The following MLLT3 variants were observed in gnomAD, a reference collection of about 807,000 sequenced individuals.
The protein encoded by MLLT3 is MLLT3 super elongation complex subunit.
MLLT3 carries 4 observed loss-of-function variants against 53.2 expected under a neutral mutation model. That is an observed-to-expected ratio of 0.08 (90% CI 0.04 to 0.17). The LOEUF is 0.17. Ranked by LOEUF, MLLT3 falls within the 10% of genes least tolerant of loss-of-function variation. MLLT3 has a pLI of 1.00. For synonymous variants in MLLT3, 283 were observed against 230.6 expected (o/e 1.23, Z -2.06); for missense variants, 569 against 684.0 (o/e 0.83, Z 1.87).
chr9:20,385,153 A>G (rs973230657), intron 5 of MLLT3, among the ~76,000 whole-genome samples: 3 of 152,192 alleles, frequency 2.0e-5, no homozygotes, highest in Non-Finnish European at 2.9e-5. Flanking sequence ...AAAGGGGTCT[A>G]CAATACTTTT....
In MLLT3 at chr9:20,516,594, T is replaced by C. The variant is rs188511961; in HGVS notation, c.194-59808A>G. ...AATGTTGAGCAGAAACATCTATTTC[T>C]TTTTTATATCAAAGCTTATTAGAAT... On this transcript the variant is annotated intron_variant, in intron 2 of 10. Coordinates refer to ENST00000380338, the MANE Select transcript of MLLT3 (RefSeq NM_004529.4). Among the ~76,000 whole-genome samples, 15 of 152,352 alleles carry C rather than the reference T, an allele frequency of 9.8e-5. No individual in the cohort carries two copies. The East Asian group carries it at 2.9e-3, about 29-fold the overall frequency.
intron 2 of MLLT3, among the ~76,000 whole-genome samples, chr9:20,528,661 C>T (rs1485244929): frequency 2.6e-5 from 4 of 152,182 alleles, no homozygotes; most frequent in African/African-American, 7.2e-5. Context: ...ACAGTGCCTT[C>T]GCCTCTGTGT....
chr9:20,421,842 AAGAG>A (rs907144683), intron 4 of MLLT3, among the ~76,000 whole-genome samples: 30 of 152,202 alleles, frequency 2.0e-4, no homozygotes, highest in African/African-American at 7.2e-4. Context: ...TTGGCAGAGA[AAGAG>A]AGAGAGAATG....
intron 2 of MLLT3, among the ~76,000 whole-genome samples, chr9:20,571,691 A>T (rs1469490254): frequency 6.6e-6 from 1 of 152,170 alleles, no homozygotes; most frequent in Non-Finnish European, 1.5e-5. Context: ...ACATGCAGAA[A>T]ACAACCTGAT....
In MLLT3 at chr9:20,448,392, G is replaced by T; in HGVS notation, c.277-126C>A. 2.7e-6 allele frequency: 2 copies of T among 729,718 alleles called. No homozygotes were observed. Among genetic ancestry groups the T allele is most frequent in the Non-Finnish European group, 2.1e-6 (1 of 470,624 alleles). The allele number at this position is 729,718 out of a possible 1,614,324, so 45.2% of individuals were successfully genotyped here. A position where few individuals can be genotyped will look rare whatever the true frequency, so the allele number is the denominator to read the frequency against. On this transcript the variant is annotated intron_variant, in intron 3 of 10. Transcript: ENST00000380338. This position sits in a 1 kb window ranked among gnomAD's most constrained non-coding sequence, Gnocchi z 4.0. ...GACATCTAACAGCTAAACTGTCAAA[G>T]TAGTACTGGGAAAAAAAAAAGTATC...
intron 2 of MLLT3, among the ~76,000 whole-genome samples, chr9:20,491,640 A>G (rs998236915): frequency 3.3e-5 from 5 of 152,190 alleles, no homozygotes; most frequent in African/African-American, 1.2e-4. Flanking sequence ...AGAGAGACTC[A>G]GTCAAAACTC....
chr9:20,434,513 G>GA (rs1823354081), intron 4 of MLLT3, among the ~76,000 whole-genome samples: 1 of 150,400 alleles, frequency 6.6e-6, no homozygotes, highest in African/African-American at 2.5e-5. Context: ...ATGTCTTCAA[G>GA]GGGCCTTCAG....
At chr9:20,443,514 A>G (rs993905463) in intron 4 of MLLT3, among the ~76,000 whole-genome samples, 1 of 152,216 alleles carries the variant, frequency 6.6e-6, no homozygotes, top group Non-Finnish European at 1.5e-5. Context: ...AGCACTTCAT[A>G]CAAGCAAAAT....
rs368033849 is a variant in MLLT3 at position 20,574,909 on chromosome 9, C to A, written c.193+45745G>T. 4.6e-5 allele frequency among the ~76,000 whole-genome samples: 7 copies of A among 152,324 alleles called. 1 individual carries two copies. The highest frequency in any genetic ancestry group is 2.1e-4 in the South Asian group (1 of 4,826). On this transcript the variant is annotated intron_variant, in intron 2 of 10. Transcript: ENST00000380338. ...AACCCTGCCGTCACTTGATCAACCA[C>A]GTTATATGTAATGTTCTAAATCCTT... is the stretch of plus-strand genomic sequence containing the variant.
At chr9:20,452,762 T>G (rs1380620309) in intron 3 of MLLT3, among the ~76,000 whole-genome samples, 1 of 152,226 alleles carries the variant, frequency 6.6e-6, no homozygotes, top group Non-Finnish European at 1.5e-5. Flanking sequence ...AGATGAGTAC[T>G]GTCTAAGTCC....
chr9:20,590,370 T>A (rs1820097556), intron 2 of MLLT3, among the ~76,000 whole-genome samples: 1 of 152,222 alleles, frequency 6.6e-6, no homozygotes, highest in African/African-American at 2.4e-5. Context: ...TCTTGAATTG[T>A]AATCCCTATG....
chr9:20,558,833 G>A (rs1819128961), intron 2 of MLLT3, among the ~76,000 whole-genome samples: 2 of 152,216 alleles, frequency 1.3e-5, no homozygotes, highest in African/African-American at 4.8e-5. Flanking sequence ...AGCAAGCTCT[G>A]TTTCCACAAG....
chr9:20,415,882 AT>A (rs907227218), intron 4 of MLLT3, among the ~76,000 whole-genome samples: 79 of 151,474 alleles, frequency 5.2e-4, no homozygotes, highest in Middle Eastern at 6.9e-3. Flanking sequence ...TTCTTAATAA[AT>A]TTTTTTTTGT....
At chr9:20,474,050 G>A (rs1291744068) in intron 2 of MLLT3, among the ~76,000 whole-genome samples, 1 of 152,042 alleles carries the variant, frequency 6.6e-6, no homozygotes, top group African/African-American at 2.4e-5. Flanking sequence ...TCGATACTCA[G>A]GACACTGACC....
chr9:20,533,655 C>G (rs1264607035), intron 2 of MLLT3, among the ~76,000 whole-genome samples: 1 of 152,174 alleles, frequency 6.6e-6, no homozygotes, highest in Non-Finnish European at 1.5e-5. Context: ...TGAAAACAAG[C>G]CAAGTGTCCA....
chr9:20,621,006 A>G lies in MLLT3; in HGVS notation c.13-172T>C. 1 of 808,158 alleles carries G rather than the reference A, an allele frequency of 1.2e-6. No individual in the cohort carries two copies. The highest frequency in any genetic ancestry group is 2.1e-6 in the Non-Finnish European group (1 of 486,126). 50.1% of individuals were successfully genotyped at this position (808,158 alleles called of 1,614,324 possible). On this transcript the variant is annotated intron_variant, in intron 1 of 10. Transcript: ENST00000380338. This position sits in a 1 kb window ranked among gnomAD's most constrained non-coding sequence, Gnocchi z 7.0. ...TGGGCGCGCACACTCCACACCCCCA[A>G]ATATACCCGCCCGCCCGGCCCGGCT...
intron 2 of MLLT3, among the ~76,000 whole-genome samples, chr9:20,588,463 C>T (rs1190174730): frequency 6.6e-6 from 1 of 152,124 alleles, no homozygotes; most frequent in African/African-American, 2.4e-5. Context: ...ATTGATTCTT[C>T]CTACCCATGA....
intron 2 of MLLT3, among the ~76,000 whole-genome samples, chr9:20,565,670 T>C (rs1249762356): frequency 6.6e-6 from 1 of 151,668 alleles, no homozygotes; most frequent in Non-Finnish European, 1.5e-5. Flanking sequence ...TCAAAAATAT[T>C]AAATATATTG....
chr9:20,495,481 A>G (rs952414770), intron 2 of MLLT3, among the ~76,000 whole-genome samples: 1 of 152,224 alleles, frequency 6.6e-6, no homozygotes, highest in African/African-American at 2.4e-5. Context: ...AAAAATCTAC[A>G]GTCAGCAATG....
Sources: gnomAD v4.1 joint callset for allele counts (sites outside exome capture counted in the v4.1 genomes callset) on GRCh38, gnomAD v4.1.1 for gene constraint, Gnocchi (gnomAD v3.1) non-coding constraint, MANE v1.5 for transcripts, NCBI Gene and HGNC (gene_info 2026-07-23, HGNC 2026-07-21) for gene names.